ADGRE3: variants seen among roughly 807,000 people sequenced by gnomAD.
The protein encoded by ADGRE3 is EGF-like module receptor 3.
Under a neutral mutation model 80.1 loss-of-function variants are expected in ADGRE3, and 88 were observed. That is an observed-to-expected ratio of 1.10 (90% CI 0.93 to 1.31). The LOEUF is 1.31. ADGRE3 is among the 40% of genes most tolerant of loss of function. The pLI, the probability that ADGRE3 is intolerant of heterozygous loss-of-function variation, is 0.00. For missense variants in ADGRE3, 715 were observed against 776.5 expected, an observed-to-expected ratio of 0.92 and a Z score of 0.94; for synonymous variants, 281 against 294.8, an observed-to-expected ratio of 0.95 and a Z score of 0.48.
intron 1 of ADGRE3, 97 bp downstream of exon 1, chr19:14,674,649 C>T: frequency 1.6e-6 from 2 of 1,257,852 alleles, no homozygotes; most frequent in Non-Finnish European, 2.3e-6. Flanking sequence ...GTGTTCAGAG[C>T]AGAAGAAAGA....
chr19:14,660,287 C>T (rs1442473249), intron 4 of ADGRE3, among the ~76,000 whole-genome samples: 1 of 152,168 alleles, frequency 6.6e-6, no homozygotes, highest in African/African-American at 2.4e-5. Flanking sequence ...GGTAGAATCA[C>T]AGTCTGCTTC....
intron 15 of ADGRE3, 58 bp downstream of exon 15, chr19:14,625,434 T>G (rs1004132092): frequency 1.8e-6 from 2 of 1,104,322 alleles, no homozygotes; most frequent in Non-Finnish European, 2.7e-6. Flanking sequence ...TAGAGGAAGT[T>G]TGCAGTGTCA....
At chr19:14,665,936 G>GCATACA (rs1972082661) in intron 2 of ADGRE3, among the ~76,000 whole-genome samples, 3 of 42,098 alleles carry the variant, frequency 7.1e-5, no homozygotes, top group South Asian at 7.9e-4. Flanking sequence ...ACACATATGT[G>GCATACA]TATATATATA....
chr19:14,646,694 T>G (rs1037109170), intron 8 of ADGRE3, among the ~76,000 whole-genome samples: 1 of 33,368 alleles, frequency 3.0e-5, no homozygotes, highest in Non-Finnish European at 5.8e-5. Context: ...CCTCCCTCCC[T>G]CCTTCCTTCC....
intron 7 of ADGRE3, among the ~76,000 whole-genome samples, chr19:14,649,948 T>C (rs1396169648): frequency 9.6e-5 from 4 of 41,862 alleles, no homozygotes; most frequent in African/African-American, 3.4e-4. Flanking sequence ...CTCCATCTCT[T>C]TCTCCCCATC....
At chr19:14,621,311 C>T (rs904684228) in intron 15 of ADGRE3, among the ~76,000 whole-genome samples, 5 of 149,316 alleles carry the variant, frequency 3.3e-5, no homozygotes, top group Admixed American at 6.7e-5. Flanking sequence ...AAAAATTAGC[C>T]GGGTGTGGTG....
chr19:14,642,423 T>C (rs771630547), intron 9 of ADGRE3, among the ~76,000 whole-genome samples: 7 of 152,192 alleles, frequency 4.6e-5, no homozygotes, highest in Non-Finnish European at 7.4e-5. Context: ...CTCATACTAA[T>C]GAAGGGATTT....
At chr19:14,653,657 C>G (rs1055822474) in intron 6 of ADGRE3, among the ~76,000 whole-genome samples, 1 of 152,018 alleles carries the variant, frequency 6.6e-6, no homozygotes, top group Non-Finnish European at 1.5e-5. Context: ...ACTGCAGCCT[C>G]GAACTCCTGG....
chr19:14,655,138 A>G lies in ADGRE3; in HGVS notation c.421T>C (p.Ser141Pro), dbSNP rs555538254. The change falls in exon 6 of 16, where the codon TCA becomes CCA. Residue 141 changes from serine (S) to proline (P), a missense_variant. By Grantham distance (74) the Ser-to-Pro change is moderately conservative. Transcript: ENST00000253673. The part of the protein sequence containing the change: ...ELQKIVDKFE[S>P]LLTNQTLWRT... ...CATAAAGTCTGATTGGTGAGAAGTG[A>G]CTCAAATTTGTCCACAATCTTTTGC... The G allele has an allele frequency of 6.2e-7, 1 of 1,609,212 alleles. No individual in the cohort carries two copies. The highest frequency in any genetic ancestry group is 1.3e-5 in the African/African-American group (1 of 74,708).
intron 6 of ADGRE3, among the ~76,000 whole-genome samples, chr19:14,653,413 C>A (rs1330622905): frequency 6.6e-6 from 1 of 151,910 alleles, no homozygotes; most frequent in Non-Finnish European, 1.5e-5. Context: ...AAAAGAATGA[C>A]ACTATTTTGA....
At chr19:14,618,214 G>T (rs1030698662), downstream of ADGRE3, among the ~76,000 whole-genome samples, 1 of 151,868 alleles carries the variant, frequency 6.6e-6, no homozygotes, top group South Asian at 2.1e-4. Flanking sequence ...ATTAATATAC[G>T]ATTACCTCAT....
At chr19:14,615,763 A>C, downstream of ADGRE3, among the ~76,000 whole-genome samples, 1 of 151,728 alleles carries the variant, frequency 6.6e-6, no homozygotes. Context: ...CTGCTAAAAA[A>C]AAAAAAAAAT....
At chr19:14,607,896 A>G in the ADGRE3 span, among the ~76,000 whole-genome samples, 4 of 150,866 alleles carry the variant, frequency 2.7e-5, no homozygotes, top group Non-Finnish European at 3.0e-5. Flanking sequence ...TTTTTGAGAC[A>G]GTCTCGCCCT....
At chr19:14,647,048 G>A in intron 8 of ADGRE3, 133 bp downstream of exon 8, 1 of 651,716 alleles carries the variant, frequency 1.5e-6, no homozygotes, top group Non-Finnish European at 2.7e-6. Flanking sequence ...CATTTCAAAT[G>A]CTCAATAGCG....
At chr19:14,659,853 A>G (rs971479665) in intron 4 of ADGRE3, among the ~76,000 whole-genome samples, 1 of 148,998 alleles carries the variant, frequency 6.7e-6, no homozygotes, top group African/African-American at 2.5e-5. Flanking sequence ...AAAAAAGACA[A>G]GGAAAGTCTA....
At position 14,621,129 on chromosome 19, in the gene ADGRE3, C is replaced by T. The variant is rs371421185; in HGVS notation, c.1921-1658G>A. 5.5e-4 allele frequency among the ~76,000 whole-genome samples: 84 copies of T among 152,184 alleles called. 2 individuals carry two copies. The South Asian group carries it at 0.015, about 28-fold the overall frequency. On this transcript the variant is annotated intron_variant, in intron 15 of 15. Coordinates refer to ENST00000253673, the MANE Select transcript of ADGRE3 (RefSeq NM_032571.5). ...TTGCCTCCCAGGTTCAAGCGATTCT[C>T]TTGCCTCAGTCTCCTGAGTAGCTGG...
the ADGRE3 span, among the ~76,000 whole-genome samples, chr19:14,612,534 C>T: frequency 6.6e-6 from 1 of 152,070 alleles, no homozygotes. Flanking sequence ...GGGGTTTCAC[C>T]ATGTTGCCCA....
At chr19:14,644,010 CT>C in intron 9 of ADGRE3, 97 bp downstream of exon 9, 8 of 811,314 alleles carry the variant, frequency 9.9e-6, no homozygotes, top group African/African-American at 2.2e-5. Flanking sequence ...CATGCTCGGC[CT>C]TTTTTCAGTT....
chr19:14,609,917 C>T, the ADGRE3 span: 12 of 610,818 alleles, frequency 2.0e-5, no homozygotes, highest in African/African-American at 1.1e-4. Context: ...TCACTGTGCC[C>T]GGCTTACAGG....
Sources: allele counts gnomAD v4.1 joint callset (sites outside exome capture counted in the v4.1 genomes callset), GRCh38; gene constraint gnomAD v4.1.1; transcripts MANE v1.5; gene names NCBI Gene and HGNC (gene_info 2026-07-23, HGNC 2026-07-21).